Variants in TEX2 observed in about 807,000 individuals in gnomAD.
TEX2 encodes the protein testis expressed 2, also known as testis-expressed protein 2.
TEX2 carries 53 observed loss-of-function variants against 106.9 expected under a neutral mutation model. The ratio of observed to expected loss-of-function variants is 0.50; its 90% CI spans 0.40 to 0.62. The LOEUF is 0.62. TEX2 is among the 20% of genes least tolerant of loss of function. TEX2 has a pLI of 0.00. For missense variants in TEX2, 1,207 were observed against 1,379.0 expected, an observed-to-expected ratio of 0.88 and a Z score of 1.98; for synonymous variants, 523 against 534.8, an observed-to-expected ratio of 0.98 and a Z score of 0.30.
At chr17:64,183,719 C>A (rs1323215595) in intron 5 of TEX2, among the ~76,000 whole-genome samples, 1 of 152,234 alleles carries the variant, frequency 6.6e-6, no homozygotes, top group Non-Finnish European at 1.5e-5. Flanking sequence ...TGAGCCACCG[C>A]ACCCGGCCAA....
chr17:64,210,207 G>A (rs1381730451), intron 2 of TEX2, among the ~76,000 whole-genome samples: 1 of 152,150 alleles, frequency 6.6e-6, no homozygotes, highest in African/African-American at 2.4e-5. Context: ...GCAACCACGC[G>A]TGAGTCATTT....
At chr17:64,260,991 A>G (rs1555638471) in intron 1 of TEX2, among the ~76,000 whole-genome samples, 1 of 152,250 alleles carries the variant, frequency 6.6e-6, no homozygotes, top group African/African-American at 2.4e-5. Context: ...ATAATTTTAT[A>G]TTGAACCTGA....
intron 1 of TEX2, among the ~76,000 whole-genome samples, chr17:64,251,527 G>T (rs1285507352): frequency 6.6e-6 from 1 of 152,168 alleles, no homozygotes; most frequent in African/African-American, 2.4e-5. Context: ...CCTTCCAAAA[G>T]AACATTATCT....
chr17:64,154,934 G>T lies in TEX2; in HGVS notation c.2838C>A (p.Ser946Arg). 1 of 1,605,028 alleles carries T rather than the reference G, an allele frequency of 6.2e-7. No individual in the cohort carries two copies. Residue 946 changes from serine (S) to arginine (R), a missense_variant, in exon 9 of 12, where the codon AGC (serine) becomes AGA (arginine). Coordinates refer to ENST00000584379, the MANE Select transcript of TEX2 (RefSeq NM_001288732.2). The stretch of plus-strand genomic sequence containing the variant: ...AGCCAGCGCTGGAGGATTCCTCATC[G>T]CTGTCCGCCAGACAGAATGCCCGGG... Reference protein sequence around the residue: ...CRPRAFCLADSDEESSSAGSS... With the variant: ...CRPRAFCLADRDEESSSAGSS...
Position 64,162,507 on chromosome 17 carries a change from G to A in TEX2, c.2672-1574C>T, listed in dbSNP as rs545895012. 7.9e-5 allele frequency among the ~76,000 whole-genome samples: 12 copies of A among 152,210 alleles called. No individual in the cohort carries two copies. In the South Asian group the frequency reaches 1.2e-3, roughly 16 times the overall value. On this transcript the variant is annotated intron_variant, in intron 7 of 11. Transcript: ENST00000584379. ...TTTCTAATAAATATTAATAGTATGCGTTGCCTTTGAAAATGGACATATTAA... is the reference window on the plus strand; with the variant it reads ...TTTCTAATAAATATTAATAGTATGCATTGCCTTTGAAAATGGACATATTAA...
rs545416559 is a variant in TEX2 at position 64,153,164 on chromosome 17, T to C, written c.2931-10A>G. 2 of 1,606,118 alleles carry C rather than the reference T, an allele frequency of 1.2e-6. No individual in the cohort carries two copies. Among genetic ancestry groups the C allele is most frequent in the East Asian group, 2.2e-5 (1 of 44,842 alleles). On this transcript the variant is annotated splice_polypyrimidine_tract_variant and intron_variant, in intron 9 of 11. Transcript: ENST00000584379. This position sits in a 1 kb window ranked among gnomAD's most constrained non-coding sequence, Gnocchi z 4.1. ...ATGACCTCCAACGTACCTTCAAATG[T>C]GGAACACAAAGGGCGGTTAGCACAA...
Position 64,150,952 on chromosome 17 carries a change from GA to G in TEX2, c.3149del (p.Phe1050SerfsTer9). On this transcript the variant is annotated frameshift_variant, in exon 11 of 12. Transcript: ENST00000584379. LOFTEE classifies it high-confidence loss of function. ...TCAGCTCCACATGTGGTGGCTTTCG[GA>G]AACCATACCTTTTTGAAGACAAGTA... ...PPPTDRVWYGFRKPPHVELKA... is the reference protein window; with the variant it reads ...PPPTDRVWYGXRKPPHVELKA... 6.2e-7 allele frequency: 1 copy of G among 1,613,714 alleles called. No individual in the cohort carries two copies.
intron 6 of TEX2, among the ~76,000 whole-genome samples, chr17:64,175,937 G>A (rs546253047): frequency 1.0e-3 from 157 of 152,336 alleles, no homozygotes; most frequent in Middle Eastern, 6.8e-3. Context: ...CTTGACCTGG[G>A]AACTCAAGCC....
chr17:64,243,415 A>G (rs1354916352), intron 1 of TEX2, among the ~76,000 whole-genome samples: 1 of 152,194 alleles, frequency 6.6e-6, no homozygotes, highest in Admixed American at 6.5e-5. Flanking sequence ...TATTAGACAA[A>G]AATGTCTTCT....
intron 1 of TEX2, among the ~76,000 whole-genome samples, chr17:64,259,009 A>G (rs1426530176): frequency 2.0e-5 from 3 of 152,088 alleles, no homozygotes; most frequent in Non-Finnish European, 4.4e-5. Flanking sequence ...CCGCCTCCCA[A>G]AGTGCTGGGA....
At chr17:64,180,942 G>A (rs1156550416) in intron 5 of TEX2, among the ~76,000 whole-genome samples, 1 of 152,172 alleles carries the variant, frequency 6.6e-6, no homozygotes, top group Non-Finnish European at 1.5e-5. Flanking sequence ...GCCGCACCCA[G>A]TGTACCGCCA....
At chr17:64,175,251 C>T (rs2031572208) in intron 6 of TEX2, among the ~76,000 whole-genome samples, 1 of 152,218 alleles carries the variant, frequency 6.6e-6, no homozygotes, top group Admixed American at 6.5e-5. Context: ...GGTCTGCAGG[C>T]ACTTCACAGT....
intron 1 of TEX2, among the ~76,000 whole-genome samples, chr17:64,254,781 C>T (rs1274237182): frequency 6.6e-6 from 1 of 152,112 alleles, no homozygotes; most frequent in Non-Finnish European, 1.5e-5. Flanking sequence ...AATTCATTTG[C>T]TAAGAATGTT....
intron 1 of TEX2, among the ~76,000 whole-genome samples, chr17:64,260,207 C>T (rs1555638376): frequency 6.6e-6 from 1 of 152,212 alleles, no homozygotes; most frequent in African/African-American, 2.4e-5. Flanking sequence ...CTCATTAGTG[C>T]AGCAATTCTC....
intron 8 of TEX2, among the ~76,000 whole-genome samples, chr17:64,157,102 T>C (rs1260787111): frequency 1.3e-5 from 2 of 152,226 alleles, no homozygotes; most frequent in Non-Finnish European, 2.9e-5. Context: ...CGGCACCCAA[T>C]ACTTAGGAAT....
intron 5 of TEX2, 72 bp from the exon 6 acceptor site, chr17:64,177,543 A>C: frequency 6.5e-7 from 1 of 1,528,680 alleles, no homozygotes; most frequent in Admixed American, 2.0e-5. Flanking sequence ...ATTTTTATAA[A>C]GTCACTGAAG....
intron 5 of TEX2, among the ~76,000 whole-genome samples, chr17:64,182,358 G>T (rs974201844): frequency 6.6e-6 from 1 of 152,062 alleles, no homozygotes; most frequent in Non-Finnish European, 1.5e-5. Flanking sequence ...TGAGTATAGA[G>T]TTTCAATTAT....
intron 1 of TEX2, among the ~76,000 whole-genome samples, chr17:64,224,280 C>G (rs1046753406): frequency 6.6e-6 from 1 of 152,170 alleles, no homozygotes; most frequent in Non-Finnish European, 1.5e-5. Context: ...CTATAAGATT[C>G]TGTATTTTTC....
At chr17:64,200,941 T>A (rs1555630016) in intron 2 of TEX2, among the ~76,000 whole-genome samples, 1 of 152,178 alleles carries the variant, frequency 6.6e-6, no homozygotes, top group Admixed American at 6.5e-5. Context: ...CATGTTCCTA[T>A]CTTTGTGTTA....
Sources: allele counts gnomAD v4.1 joint callset (sites outside exome capture counted in the v4.1 genomes callset), GRCh38; gene constraint gnomAD v4.1.1; non-coding constraint Gnocchi (gnomAD v3.1); transcripts MANE v1.5; gene names NCBI Gene and HGNC (gene_info 2026-07-23, HGNC 2026-07-21).